Variants in CNTN5 observed in about 807,000 individuals in gnomAD.
The protein encoded by CNTN5 is contactin 5, also known as contactin-5.
Under a neutral mutation model 129.1 loss-of-function variants are expected in CNTN5, and 77 were observed. The observed-to-expected ratio is 0.60, with a 90% CI of 0.50 to 0.72. The LOEUF (loss-of-function observed/expected upper bound fraction) is 0.72, where lower values mean the gene tolerates loss of function less well. Ranked by LOEUF, CNTN5 falls within the 30% of genes least tolerant of loss-of-function variation. The pLI is 0.00. For synonymous variants in CNTN5, 509 were observed against 465.6 expected (o/e 1.09, Z -1.20); for missense variants, 1,478 against 1,328.8 (o/e 1.11, Z -1.75).
intron 1 of CNTN5, among the ~76,000 whole-genome samples, chr11:99,226,799 T>C (rs1449423751): frequency 6.6e-6 from 1 of 152,182 alleles, no homozygotes; most frequent in East Asian, 1.9e-4. Context: ...GCTCAATAGA[T>C]TTTTTTGTTG....
At chr11:100,052,091 T>G (rs1166636134) in intron 9 of CNTN5, among the ~76,000 whole-genome samples, 1 of 151,916 alleles carries the variant, frequency 6.6e-6, no homozygotes, top group Non-Finnish European at 1.5e-5. Flanking sequence ...TAAAAAGCAA[T>G]TTATATAATT....
At chr11:99,949,232 T>C (rs1340089474) in intron 7 of CNTN5, among the ~76,000 whole-genome samples, 2 of 152,234 alleles carry the variant, frequency 1.3e-5, no homozygotes, top group African/African-American at 4.8e-5. Flanking sequence ...TATCTACTCT[T>C]GTTGTTGTCG....
At chr11:100,307,851 T>C (rs1036847625) in intron 20 of CNTN5, among the ~76,000 whole-genome samples, 2 of 151,762 alleles carry the variant, frequency 1.3e-5, no homozygotes, top group African/African-American at 4.8e-5. Context: ...ATTTTATATA[T>C]ACATTCTAAT....
At chr11:99,335,183 A>C (rs1295211774) in intron 2 of CNTN5, among the ~76,000 whole-genome samples, 1 of 152,156 alleles carries the variant, frequency 6.6e-6, no homozygotes, top group Non-Finnish European at 1.5e-5. Flanking sequence ...TACTAGTTCA[A>C]GCTTATTAAT....
chr11:100,248,409 G>A (rs1949893810), intron 16 of CNTN5, among the ~76,000 whole-genome samples: 1 of 151,988 alleles, frequency 6.6e-6, no homozygotes, highest in Admixed American at 6.6e-5. Context: ...AGCTGGGCAT[G>A]GTGGCATGCG....
In CNTN5 at chr11:99,810,486, T is replaced by G. The variant is rs1946396978; in HGVS notation, c.56-9058T>G. Among the ~76,000 whole-genome samples the G allele has an allele frequency of 2.0e-5, 3 of 152,150 alleles. 1 individual carries two copies. Among genetic ancestry groups the G allele is most frequent in the Admixed American group, 2.0e-4 (3 of 15,260 alleles). ...GTATTTCATCCTCTGCATATGCTTT[T>G]TGCTCTTGAAGCTACAACACTGTAA... On this transcript the variant is annotated intron_variant, in intron 3 of 24. Transcript: ENST00000524871.
At chr11:99,234,509 T>A (rs1861167703) in intron 1 of CNTN5, among the ~76,000 whole-genome samples, 1 of 150,996 alleles carries the variant, frequency 6.6e-6, no homozygotes, top group African/African-American at 2.5e-5. Context: ...ATTTCACCCA[T>A]AATCTGATAT....
chr11:99,829,322 G>T (rs1424029347), intron 4 of CNTN5, among the ~76,000 whole-genome samples: 1 of 152,154 alleles, frequency 6.6e-6, no homozygotes, highest in Non-Finnish European at 1.5e-5. Flanking sequence ...ATGAAAACAT[G>T]GTTGTGAATA....
At chr11:99,618,835 T>C (rs75451266) in intron 3 of CNTN5, among the ~76,000 whole-genome samples, 1,641 of 152,204 alleles carry the variant, frequency 0.011, 35 homozygotes, top group African/African-American at 0.036. Context: ...ATTTACCCCA[T>C]AAATAAATGC....
At chr11:100,173,191 C>T (rs757458212) in intron 13 of CNTN5, among the ~76,000 whole-genome samples, 1 of 152,090 alleles carries the variant, frequency 6.6e-6, no homozygotes, top group Non-Finnish European at 1.5e-5. Context: ...ATAGCATTGC[C>T]TTCCCCATTA....
chr11:100,230,873 T>A (rs897678928), intron 16 of CNTN5, among the ~76,000 whole-genome samples: 1 of 152,224 alleles, frequency 6.6e-6, no homozygotes, highest in Admixed American at 6.5e-5. Context: ...TAATACACAT[T>A]TGGATTTATA....
chr11:99,326,826 T>C (rs1591526634), intron 2 of CNTN5, among the ~76,000 whole-genome samples: 1 of 152,156 alleles, frequency 6.6e-6, no homozygotes, highest in East Asian at 1.9e-4. Context: ...GAGTTCCATA[T>C]AAATTAATCC....
intron 3 of CNTN5, among the ~76,000 whole-genome samples, chr11:99,703,107 A>C (rs1591502840): frequency 1.4e-5 from 2 of 145,204 alleles, no homozygotes; most frequent in South Asian, 4.1e-4. Context: ...TATAACTCTT[A>C]CTTTAAAATC....
chr11:100,162,013 A>G (rs11223022), intron 13 of CNTN5, among the ~76,000 whole-genome samples: 43,336 of 151,620 alleles, frequency 0.29, 7,538 homozygotes, highest in African/African-American at 0.51. Context: ...TCACTATGCT[A>G]TGGAGGAGTG....
intron 6 of CNTN5, among the ~76,000 whole-genome samples, chr11:99,884,619 T>G (rs1948851377): frequency 6.6e-6 from 1 of 152,184 alleles, no homozygotes; most frequent in Admixed American, 6.5e-5. Flanking sequence ...ACATGAATAA[T>G]AATGAAATCC....
At chr11:100,080,295 A>G (rs989751427) in intron 13 of CNTN5, among the ~76,000 whole-genome samples, 4 of 150,706 alleles carry the variant, frequency 2.7e-5, no homozygotes, top group African/African-American at 9.7e-5. Context: ...GCAGTATTAT[A>G]GAATAATTTT....
At chr11:99,398,158 C>A (rs1941622503) in intron 2 of CNTN5, among the ~76,000 whole-genome samples, 1 of 151,826 alleles carries the variant, frequency 6.6e-6, no homozygotes, top group South Asian at 2.1e-4. Flanking sequence ...GAATTGTTAG[C>A]CCACACCCAC....
chr11:99,236,955 T>C (rs1185198347), intron 1 of CNTN5, among the ~76,000 whole-genome samples: 4 of 152,150 alleles, frequency 2.6e-5, no homozygotes, highest in East Asian at 1.9e-4. Flanking sequence ...ATAATTTATA[T>C]GTTTATTGAG....
intron 1 of CNTN5, among the ~76,000 whole-genome samples, chr11:99,133,117 CT>C (rs1453264594): frequency 4.6e-5 from 7 of 152,120 alleles, no homozygotes; most frequent in African/African-American, 1.7e-4. Flanking sequence ...CTACAACGAT[CT>C]GATCTTTGAA....
Sources: gnomAD v4.1 joint callset for allele counts (sites outside exome capture counted in the v4.1 genomes callset) on GRCh38, gnomAD v4.1.1 for gene constraint, MANE v1.5 for transcripts, NCBI Gene and HGNC (gene_info 2026-07-23, HGNC 2026-07-21) for gene names.